Variants in PKN2 observed in about 807,000 individuals in gnomAD.
PKN2 encodes the protein serine/threonine-protein kinase N2.
In PKN2, 38 loss-of-function variants were observed where a neutral mutation model predicts 119.1. That is an observed-to-expected ratio of 0.32 (90% CI 0.25 to 0.42). The LOEUF (loss-of-function observed/expected upper bound fraction) is 0.42, where lower values mean the gene tolerates loss of function less well. PKN2 is among the 10% of genes least tolerant of loss of function. PKN2 has a pLI of 1.00. For synonymous variants in PKN2, 390 were observed against 384.9 expected (o/e 1.01, Z -0.15); for missense variants, 850 against 1,165.1 (o/e 0.73, Z 3.94).
At chr1:88,788,139 T>C (rs1670658728) in intron 8 of PKN2, among the ~76,000 whole-genome samples, 1 of 152,196 alleles carries the variant, frequency 6.6e-6, no homozygotes, top group African/African-American at 2.4e-5. Flanking sequence ...CTGTACTGTT[T>C]CATTTCAAGA....
intron 1 of PKN2, among the ~76,000 whole-genome samples, chr1:88,730,178 C>A (rs903386099): frequency 1.3e-5 from 2 of 150,166 alleles, no homozygotes; most frequent in African/African-American, 5.0e-5. Flanking sequence ...AAAAAAAAAA[C>A]ACCAGTCTTT....
chr1:88,710,150 A>G (rs966582503), intron 1 of PKN2, among the ~76,000 whole-genome samples: 1 of 152,198 alleles, frequency 6.6e-6, no homozygotes, highest in African/African-American at 2.4e-5. Context: ...GTGGAGATGC[A>G]CTTTGGGAAG....
At chr1:88,689,579 GA>G (rs1666248360) in intron 1 of PKN2, among the ~76,000 whole-genome samples, 1 of 152,178 alleles carries the variant, frequency 6.6e-6, no homozygotes, top group Non-Finnish European at 1.5e-5. Context: ...GGGAGGCTGA[GA>G]CAGGCGGATC....
At chr1:88,710,527 A>G (rs1234541474) in intron 1 of PKN2, among the ~76,000 whole-genome samples, 3 of 152,212 alleles carry the variant, frequency 2.0e-5, no homozygotes, top group Admixed American at 2.0e-4. Flanking sequence ...TTTGCCATGA[A>G]TCTTGTCACA....
intron 3 of PKN2, among the ~76,000 whole-genome samples, chr1:88,764,175 A>G (rs1669565536): frequency 6.6e-6 from 1 of 152,102 alleles, no homozygotes; most frequent in African/African-American, 2.4e-5. Context: ...ATTACACTCT[A>G]GCTACTCTAG....
chr1:88,764,799 G>A (rs886224220), intron 3 of PKN2, among the ~76,000 whole-genome samples: 1 of 152,140 alleles, frequency 6.6e-6, no homozygotes, highest in Non-Finnish European at 1.5e-5. Flanking sequence ...TTATTTGGTA[G>A]TGTGGCTTTA....
chr1:88,816,555 C>G (rs1256898034), intron 16 of PKN2, among the ~76,000 whole-genome samples: 1 of 152,154 alleles, frequency 6.6e-6, no homozygotes, highest in Non-Finnish European at 1.5e-5. Context: ...CCATCTTAAG[C>G]AATTTTAAGC....
At chr1:88,807,898 G>A (rs536267509) in intron 15 of PKN2, 123 bp downstream of exon 15, 3 of 608,226 alleles carry the variant, frequency 4.9e-6, no homozygotes, top group African/African-American at 3.8e-5. Context: ...TAAATATAAT[G>A]TATCTATATT....
rs1424476691 is a variant in PKN2, at chr1:88,828,135, TAAATAA to T, written c.2420-344_2420-339del. The stretch of plus-strand genomic sequence containing the variant: ...TTAGAATGTTGATTTTATAATGAAG[TAAATAA>T]ACTTATTTAAGATTGAATTGGAAAG... On this transcript the variant is annotated intron_variant, in intron 18 of 21. Coordinates refer to ENST00000370521, the MANE Select transcript of PKN2 (RefSeq NM_006256.4). Among the ~76,000 whole-genome samples the T allele has an allele frequency of 2.6e-5, 4 of 152,176 alleles. No individual in the cohort carries two copies. The East Asian group carries it at 7.7e-4, about 29-fold the overall frequency.
intron 2 of PKN2, 143 bp from the exon 3 acceptor site, chr1:88,760,079 C>A (rs936197761): frequency 1.6e-5 from 6 of 381,778 alleles, no homozygotes; most frequent in African/African-American, 2.3e-5. Flanking sequence ...TGGTTGAATT[C>A]ATGGATTATC....
chr1:88,824,400 T>C lies in PKN2; in HGVS notation c.2419+14T>C. ...TTTGCAAAGAAGGTAATCGAATGTT[T>C]TTAAGTTTCTTTTCTGATTCAGAAT... On this transcript the variant is annotated intron_variant, in intron 18 of 21. Transcript: ENST00000370521. 6.9e-7 allele frequency: 1 copy of C among 1,451,060 alleles called. No individual in the cohort carries two copies. The highest frequency in any genetic ancestry group is 9.7e-7 in the Non-Finnish European group (1 of 1,033,302). The allele number at this position is 1,451,060 out of a possible 1,614,324, so 89.9% of individuals were successfully genotyped here. A position where few individuals can be genotyped will look rare whatever the true frequency, so the allele number is the denominator to read the frequency against.
chr1:88,750,396 T>C (rs1668940270), intron 2 of PKN2, among the ~76,000 whole-genome samples: 1 of 152,168 alleles, frequency 6.6e-6, no homozygotes, highest in African/African-American at 2.4e-5. Context: ...AACTGCTGAG[T>C]TGTGGTTTTA....
rs140041962 is a variant in PKN2, at chr1:88,724,231, C to T, written c.49-16757C>T. 2.0e-3 allele frequency among the ~76,000 whole-genome samples: 303 copies of T among 152,222 alleles called. 2 individuals are homozygous for T. The highest frequency in any genetic ancestry group is 6.9e-3 in the African/African-American group (285 of 41,530). The stretch of plus-strand genomic sequence containing the variant: ...AGGCCAGAACCCAGGTGTTTTGATT[C>T]CTAGTCTAATGTATTACACATTGTT... On this transcript the variant is annotated intron_variant, in intron 1 of 21. Transcript: ENST00000370521.
chr1:88,755,357 A>G (rs1452969076), intron 2 of PKN2, among the ~76,000 whole-genome samples: 1 of 152,176 alleles, frequency 6.6e-6, no homozygotes, highest in Non-Finnish European at 1.5e-5. Flanking sequence ...TGCAAGGATG[A>G]CAGCAGTGTT....
At chr1:88,790,618 C>T (rs188064837) in intron 8 of PKN2, among the ~76,000 whole-genome samples, 11 of 152,054 alleles carry the variant, frequency 7.2e-5, no homozygotes, top group Non-Finnish European at 1.5e-4. Flanking sequence ...TTTTTTTCCC[C>T]GGGATTCTGA....
chr1:88,755,451 G>T (rs922819070), intron 2 of PKN2, among the ~76,000 whole-genome samples: 5 of 152,090 alleles, frequency 3.3e-5, no homozygotes, highest in African/African-American at 1.2e-4. Context: ...TTCTGCATAG[G>T]TGTACACTTT....
At chr1:88,737,580 C>T (rs1668405164) in intron 1 of PKN2, among the ~76,000 whole-genome samples, 1 of 152,192 alleles carries the variant, frequency 6.6e-6, no homozygotes, top group South Asian at 2.1e-4. Context: ...TGTAGCCTTC[C>T]TGCTGCTGAA....
intron 1 of PKN2, among the ~76,000 whole-genome samples, chr1:88,740,011 A>G (rs1345092305): frequency 6.6e-6 from 1 of 151,190 alleles, no homozygotes; most frequent in Non-Finnish European, 1.5e-5. Flanking sequence ...TATTAGGGGA[A>G]AAAAAAAATA....
At chr1:88,801,828 A>G (rs983048411) in intron 8 of PKN2, among the ~76,000 whole-genome samples, 1 of 152,226 alleles carries the variant, frequency 6.6e-6, no homozygotes, top group Non-Finnish European at 1.5e-5. Flanking sequence ...GCAGACATAT[A>G]TATCCCTTAT....
Sources: gnomAD v4.1 joint callset for allele counts (sites outside exome capture counted in the v4.1 genomes callset) on GRCh38, gnomAD v4.1.1 for gene constraint, MANE v1.5 for transcripts, NCBI Gene and HGNC (gene_info 2026-07-23, HGNC 2026-07-21) for gene names.